COL28A1: variants seen among roughly 807,000 people sequenced by gnomAD.
The protein encoded by COL28A1 is collagen type XXVIII alpha 1 chain.
In COL28A1, 161 loss-of-function variants were observed where a neutral mutation model predicts 150.2. That is an observed-to-expected ratio of 1.07 (90% CI 0.94 to 1.22). COL28A1 has a LOEUF of 1.22. Among genes scored for constraint, COL28A1 ranks in the 50% most tolerant of loss-of-function variants. The probability of loss-of-function intolerance (pLI) is 0.00; values close to 1 mark genes in which losing one functional copy is unlikely to be tolerated. For missense variants in COL28A1, 1,617 were observed against 1,388.3 expected, an observed-to-expected ratio of 1.16 and a Z score of -2.62; for synonymous variants, 552 against 469.7, an observed-to-expected ratio of 1.18 and a Z score of -2.26.
chr7:7,342,897 CT>C, the COL28A1 span, among the ~76,000 whole-genome samples: 3 of 151,678 alleles, frequency 2.0e-5, no homozygotes, highest in South Asian at 2.1e-4. Flanking sequence ...CTAAAGAATC[CT>C]TTTTTTTATA....
rs367990101 is a variant in COL28A1, at chr7:7,477,136, G to A, written c.1209C>T (p.Pro403=). The change falls in exon 14 of 35, where the codon CCC becomes CCT. Residue 403 remains proline, a synonymous_variant. Coordinates refer to ENST00000399429, the MANE Select transcript of COL28A1 (RefSeq NM_001037763.3). ...PEGVPGERGL[P]GEGFPGPKGE... ...CCTTTGGTCCTGGAAATCCTTCTCC[G>A]GGTAAGCCCCTCTCTCCTGGTACTC... The A allele has an allele frequency of 1.6e-4, 213 of 1,346,956 alleles. 2 individuals carry two copies. Among genetic ancestry groups the A allele is most frequent in the Middle Eastern group, 7.2e-4 (4 of 5,592 alleles). The allele number at this position is 1,346,956 out of a possible 1,614,324, so 83.4% of individuals were successfully genotyped here.
intron 33 of COL28A1, among the ~76,000 whole-genome samples, chr7:7,362,471 T>C (rs1452409782): frequency 6.6e-6 from 1 of 152,224 alleles, no homozygotes; most frequent in Non-Finnish European, 1.5e-5. Flanking sequence ...GTCTGCCAGC[T>C]AAGCTGTTCT....
At chr7:7,489,925 C>G (rs1426051532) in intron 12 of COL28A1, among the ~76,000 whole-genome samples, 1 of 152,188 alleles carries the variant, frequency 6.6e-6, no homozygotes, top group Non-Finnish European at 1.5e-5. Context: ...TCCACCTTTC[C>G]TGGAGTCTCA....
intron 11 of COL28A1, among the ~76,000 whole-genome samples, chr7:7,504,585 G>A (rs1218288078): frequency 2.0e-5 from 3 of 152,110 alleles, no homozygotes; most frequent in African/African-American, 7.2e-5. Flanking sequence ...CACCACAACT[G>A]CCAGCCACGA....
At chr7:7,340,883 G>A in the COL28A1 span, among the ~76,000 whole-genome samples, 3 of 152,168 alleles carry the variant, frequency 2.0e-5, no homozygotes, top group South Asian at 6.2e-4. Context: ...TAATGACTAG[G>A]AAGACCTGGT....
chr7:7,452,859 A>G (rs1192964912), intron 17 of COL28A1, among the ~76,000 whole-genome samples: 1 of 152,214 alleles, frequency 6.6e-6, no homozygotes, highest in Non-Finnish European at 1.5e-5. Flanking sequence ...AGCTCTAGGG[A>G]GTGTGTTCTA....
At chr7:7,464,851 C>G (rs1021922686) in intron 15 of COL28A1, among the ~76,000 whole-genome samples, 5 of 152,066 alleles carry the variant, frequency 3.3e-5, no homozygotes, top group African/African-American at 1.2e-4. Flanking sequence ...ATAAATGAAA[C>G]AAAAACTGGT....
chr7:7,389,366 T>C (rs1467031313), intron 27 of COL28A1, among the ~76,000 whole-genome samples: 4 of 152,228 alleles, frequency 2.6e-5, no homozygotes, highest in Non-Finnish European at 5.9e-5. Flanking sequence ...ATATCTGTTT[T>C]GGTACCAATA....
At chr7:7,475,454 A>G (rs1788786911) in intron 14 of COL28A1, among the ~76,000 whole-genome samples, 2 of 152,196 alleles carry the variant, frequency 1.3e-5, no homozygotes, top group Admixed American at 6.5e-5. Flanking sequence ...ATATAACTGC[A>G]TATACTTGAT....
At chr7:7,513,816 A>G (rs866007871) in intron 8 of COL28A1, among the ~76,000 whole-genome samples, 2 of 152,224 alleles carry the variant, frequency 1.3e-5, no homozygotes, top group Non-Finnish European at 2.9e-5. Flanking sequence ...GATTGCCATC[A>G]ATGAAAATAT....
Position 7,378,090 on chromosome 7 carries a change from T to C in COL28A1, c.2322+2570A>G, listed in dbSNP as rs549559867. Among the ~76,000 whole-genome samples the C allele has an allele frequency of 4.6e-5, 7 of 152,162 alleles. No homozygotes were observed. The South Asian group carries it at 1.5e-3, about 32-fold the overall frequency. Reference sequence around the variant, plus strand: ...TCTATAAGACATCCACCTAGAGATGTCCACGGGCAGCCAAGGATGTAAGAT... The same window carrying C: ...TCTATAAGACATCCACCTAGAGATGCCCACGGGCAGCCAAGGATGTAAGAT... On this transcript the variant is annotated intron_variant, in intron 30 of 34. Transcript: ENST00000399429.
chr7:7,496,760 T>C (rs1224008253), intron 11 of COL28A1, among the ~76,000 whole-genome samples: 2 of 152,222 alleles, frequency 1.3e-5, no homozygotes, highest in African/African-American at 4.8e-5. Context: ...TTATGAACAA[T>C]TTTATCATAT....
intron 3 of COL28A1, among the ~76,000 whole-genome samples, chr7:7,530,427 G>C (rs913052733): frequency 6.6e-6 from 1 of 152,194 alleles, no homozygotes; most frequent in East Asian, 1.9e-4. Flanking sequence ...CTCTGAAATA[G>C]AGCCTGAGTT....
At chr7:7,406,937 A>G (rs971039548) in intron 27 of COL28A1, among the ~76,000 whole-genome samples, 8 of 152,120 alleles carry the variant, frequency 5.3e-5, no homozygotes, top group Non-Finnish European at 1.0e-4. Flanking sequence ...ATATGGACTG[A>G]ATTCTTTTTC....
chr7:7,344,185 T>C, the COL28A1 span, among the ~76,000 whole-genome samples: 7 of 152,224 alleles, frequency 4.6e-5, no homozygotes, highest in Admixed American at 2.0e-4. Flanking sequence ...GAATGTATGA[T>C]TGTCCTTTTA....
chr7:7,535,969 G>A (rs930281296), upstream of COL28A1: 4 of 152,198 alleles, frequency 2.6e-5, no homozygotes, highest in Admixed American at 2.6e-4. Flanking sequence ...ATCTGGGTGG[G>A]ATCAGTAAGC....
At chr7:7,466,307 T>C (rs1788075670) in intron 15 of COL28A1, among the ~76,000 whole-genome samples, 1 of 143,878 alleles carries the variant, frequency 7.0e-6, no homozygotes, top group African/African-American at 2.6e-5. Flanking sequence ...ACGTGAAGAA[T>C]GCAGAAGCCT....
At chr7:7,537,191 G>A (rs1248554200), upstream of COL28A1, among the ~76,000 whole-genome samples, 2 of 152,196 alleles carry the variant, frequency 1.3e-5, no homozygotes, top group African/African-American at 4.8e-5. Context: ...CAGCAGCTGA[G>A]GATACAAGGC....
intron 8 of COL28A1, among the ~76,000 whole-genome samples, chr7:7,515,554 T>C (rs1781371183): frequency 1.3e-5 from 2 of 152,168 alleles, no homozygotes; most frequent in African/African-American, 4.8e-5. Context: ...GGCTTATAAA[T>C]TGGGGTTCTC....
Sources: gnomAD v4.1 joint callset for allele counts (sites outside exome capture counted in the v4.1 genomes callset) on GRCh38, gnomAD v4.1.1 for gene constraint, MANE v1.5 for transcripts, NCBI Gene and HGNC (gene_info 2026-07-23, HGNC 2026-07-21) for gene names.